TENM2: variants seen among roughly 807,000 people sequenced by gnomAD.
TENM2 encodes the protein teneurin transmembrane protein 2.
TENM2 carries 52 observed loss-of-function variants against 245.2 expected under a neutral mutation model. That is an observed-to-expected ratio of 0.21 (90% CI 0.17 to 0.27). The LOEUF (loss-of-function observed/expected upper bound fraction) is 0.27. Ranked by LOEUF, TENM2 falls within the 10% of genes least tolerant of loss-of-function variation. The probability of loss-of-function intolerance (pLI) is 1.00; values close to 1 mark genes in which losing one functional copy is unlikely to be tolerated. For synonymous variants in TENM2, 1,363 were observed against 1,438.9 expected (o/e 0.95, Z 1.19); for missense variants, 3,046 against 3,666.8 (o/e 0.83, Z 4.37).
intron 7 of TENM2, among the ~76,000 whole-genome samples, chr5:168,063,045 G>A (rs1346154454): frequency 2.0e-5 from 3 of 152,186 alleles, no homozygotes; most frequent in Non-Finnish European, 4.4e-5. Flanking sequence ...AAAAATAAAT[G>A]CTAATATCCC....
At chr5:168,018,749 T>G (rs1785885347) in intron 5 of TENM2, among the ~76,000 whole-genome samples, 3 of 152,186 alleles carry the variant, frequency 2.0e-5, no homozygotes, top group Non-Finnish European at 4.4e-5. Flanking sequence ...CTGGGGTGCC[T>G]CCTAAGGACA....
chr5:167,977,989 C>T (rs1283594780), intron 4 of TENM2, among the ~76,000 whole-genome samples: 2 of 152,052 alleles, frequency 1.3e-5, no homozygotes, highest in East Asian at 3.9e-4. Context: ...TCTATTAGTT[C>T]CTGCAAGATC....
chr5:167,548,978 A>G (rs1373214075), intron 2 of TENM2, among the ~76,000 whole-genome samples: 1 of 152,206 alleles, frequency 6.6e-6, no homozygotes, highest in Non-Finnish European at 1.5e-5. Flanking sequence ...ACAAGAATAG[A>G]TTCTTAATCC....
chr5:167,008,846 G>C, the TENM2 span, among the ~76,000 whole-genome samples: 8 of 152,288 alleles, frequency 5.3e-5, no homozygotes, highest in African/African-American at 1.9e-4. Flanking sequence ...ATTTGGGTCA[G>C]TGTGCACAAC....
chr5:168,124,865 C>A, exon 11 of TENM2: 2 of 1,611,622 alleles, frequency 1.2e-6, no homozygotes, highest in Non-Finnish European at 1.7e-6. Flanking sequence ...TGCTTGGATC[C>A]CACCTGCTCC....
chr5:167,753,913 T>A (rs1380893558), intron 2 of TENM2, among the ~76,000 whole-genome samples: 1 of 152,160 alleles, frequency 6.6e-6, no homozygotes, highest in Non-Finnish European at 1.5e-5. Context: ...TCTTTGGTAA[T>A]GAGCCATTAT....
intron 2 of TENM2, among the ~76,000 whole-genome samples, chr5:167,566,552 G>T (rs373535712): frequency 2.6e-5 from 4 of 152,144 alleles, no homozygotes; most frequent in Non-Finnish European, 4.4e-5. Context: ...GAAGAAACTC[G>T]CAAACAGTGC....
intron 9 of TENM2, among the ~76,000 whole-genome samples, chr5:168,104,246 C>A (rs1794066003): frequency 6.6e-6 from 1 of 152,120 alleles, no homozygotes; most frequent in South Asian, 2.1e-4. Flanking sequence ...CCAGGCTGGT[C>A]TCAAACTCCT....
At chr5:167,112,359 T>C in the TENM2 span, among the ~76,000 whole-genome samples, 1 of 152,244 alleles carries the variant, frequency 6.6e-6, no homozygotes, top group African/African-American at 2.4e-5. Flanking sequence ...AGCTGTTTCC[T>C]ATTGACTCAT....
chr5:167,308,457 T>C (rs993724769), intron 1 of TENM2, among the ~76,000 whole-genome samples: 8 of 152,174 alleles, frequency 5.3e-5, no homozygotes, highest in African/African-American at 1.4e-4. Flanking sequence ...CTAAATTACT[T>C]TGTAACTCCT....
At chr5:167,026,845 A>T in the TENM2 span, among the ~76,000 whole-genome samples, 5 of 152,192 alleles carry the variant, frequency 3.3e-5, no homozygotes, top group African/African-American at 1.2e-4. Flanking sequence ...CATTGCATCA[A>T]TTCTAAACAG....
chr5:167,381,504 A>T (rs1761093607), intron 2 of TENM2, among the ~76,000 whole-genome samples: 1 of 152,152 alleles, frequency 6.6e-6, no homozygotes, highest in South Asian at 2.1e-4. Context: ...AACAACCAAC[A>T]TTTTAAAAGT....
chr5:167,499,915 TGTGTGTGTGTGTATGTGTATGTGAGG>T (rs1215242018), intron 2 of TENM2, among the ~76,000 whole-genome samples: 28 of 146,046 alleles, frequency 1.9e-4, no homozygotes, highest in African/African-American at 7.0e-4. Context: ...AGGGTGTATA[TGTGTGTGTGTGTATGTGTATGTGAGG>T]GTGTGTGTGT....
At chr5:167,200,492 G>A in the TENM2 span, among the ~76,000 whole-genome samples, 4 of 151,966 alleles carry the variant, frequency 2.6e-5, no homozygotes, top group Admixed American at 1.3e-4. Flanking sequence ...CTTTTCTGGG[G>A]TTTTCTGAGA....
At chr5:167,676,762 C>T (rs1282377381) in intron 2 of TENM2, among the ~76,000 whole-genome samples, 4 of 152,068 alleles carry the variant, frequency 2.6e-5, no homozygotes. Flanking sequence ...TTTTAATAAG[C>T]CACTGTATCT....
At chr5:167,234,681 C>CTGA in the TENM2 span, among the ~76,000 whole-genome samples, 1 of 152,152 alleles carries the variant, frequency 6.6e-6, no homozygotes, top group African/African-American at 2.4e-5. Context: ...AAGCAGGTCT[C>CTGA]TGATACATTT....
chr5:168,050,732 A>G (rs1025415506), intron 6 of TENM2, among the ~76,000 whole-genome samples: 6 of 152,234 alleles, frequency 3.9e-5, no homozygotes, highest in African/African-American at 1.2e-4. Context: ...GGCAGCCTAC[A>G]CACTCTGATA....
chr5:168,164,222 C>A (rs984313372), intron 13 of TENM2, among the ~76,000 whole-genome samples: 4 of 152,188 alleles, frequency 2.6e-5, no homozygotes, highest in Admixed American at 6.5e-5. Context: ...CCTGGCCTGC[C>A]ACACTGCTCT....
intron 24 of TENM2, 25 bp downstream of exon 26, chr5:168,226,288 A>G: frequency 6.2e-7 from 1 of 1,602,346 alleles, no homozygotes; most frequent in East Asian, 2.2e-5. Context: ...ATACCATCCT[A>G]CCCCCAAACT....
Sources: gnomAD v4.1 joint callset for allele counts (sites outside exome capture counted in the v4.1 genomes callset) on GRCh38, gnomAD v4.1.1 for gene constraint, MANE v1.5 for transcripts, NCBI Gene and HGNC (gene_info 2026-07-23, HGNC 2026-07-21) for gene names.